Variants in PTPRD observed in about 807,000 individuals in gnomAD.
PTPRD encodes receptor-type tyrosine-protein phosphatase delta.
Under a neutral mutation model 214.5 loss-of-function variants are expected in PTPRD, and 34 were observed. The ratio of observed to expected loss-of-function variants is 0.16; its 90% CI spans 0.12 to 0.21. PTPRD has a LOEUF of 0.21. Ranked by LOEUF, PTPRD falls within the 10% of genes least tolerant of loss-of-function variation. The probability of loss-of-function intolerance (pLI) is 1.00; values close to 1 mark genes in which losing one functional copy is unlikely to be tolerated. For missense variants in PTPRD, 2,545 were observed against 2,398.7 expected (o/e 1.06, Z -1.27); for synonymous variants, 1,128 against 845.7 (o/e 1.33, Z -5.79).
At chr9:8,815,523 A>G (rs1348054754) in intron 11 of PTPRD, among the ~76,000 whole-genome samples, 1 of 152,226 alleles carries the variant, frequency 6.6e-6, no homozygotes, top group Non-Finnish European at 1.5e-5. Context: ...TCTAACATTT[A>G]CTCATCAAAA....
chr9:9,339,844 G>C (rs1467527739), intron 9 of PTPRD, among the ~76,000 whole-genome samples: 2 of 152,118 alleles, frequency 1.3e-5, no homozygotes, highest in Middle Eastern at 3.2e-3. Context: ...GTAGCAAAGT[G>C]AAATACAGTG....
intron 12 of PTPRD, among the ~76,000 whole-genome samples, chr9:8,651,528 AAC>A (rs1418329449): frequency 1.3e-5 from 2 of 152,210 alleles, no homozygotes; most frequent in African/African-American, 2.4e-5. Flanking sequence ...TTCTAGATGG[AAC>A]ACAGTGTAAT....
At chr9:9,528,949 T>TG (rs1388990679) in intron 8 of PTPRD, among the ~76,000 whole-genome samples, 140 of 149,752 alleles carry the variant, frequency 9.3e-4, no homozygotes, top group East Asian at 5.1e-3. Flanking sequence ...TTTTTTTTTT[T>TG]TTTTTTTGAG....
At chr9:9,371,182 G>A (rs978081754) in intron 9 of PTPRD, among the ~76,000 whole-genome samples, 1 of 152,114 alleles carries the variant, frequency 6.6e-6, no homozygotes, top group African/African-American at 2.4e-5. Flanking sequence ...AGTTTCAGAA[G>A]GAATGGTACC....
chr9:9,865,156 AC>A (rs1309699131), intron 5 of PTPRD, among the ~76,000 whole-genome samples: 4 of 152,352 alleles, frequency 2.6e-5, no homozygotes, highest in African/African-American at 9.6e-5. Context: ...GGGATGAATG[AC>A]AAAAACATAT....
At chr9:8,484,447 T>C (rs1034105713) in intron 29 of PTPRD, 69 bp from the exon 30 acceptor site, 3 of 1,490,696 alleles carry the variant, frequency 2.0e-6, no homozygotes, top group African/African-American at 2.8e-5. Flanking sequence ...TCTAAACCAA[T>C]GTGCACTAGC....
chr9:8,958,000 A>C (rs138467454), intron 11 of PTPRD, among the ~76,000 whole-genome samples: 61 of 151,978 alleles, frequency 4.0e-4, no homozygotes, highest in African/African-American at 1.4e-3. Flanking sequence ...GTAATACCTT[A>C]GCAGGGGAAG....
intron 4 of PTPRD, among the ~76,000 whole-genome samples, chr9:10,024,834 T>C (rs2096891480): frequency 1.5e-5 from 2 of 134,750 alleles, no homozygotes; most frequent in Admixed American, 8.5e-5. Flanking sequence ...CCTGTGTCCA[T>C]GTGTTCTCAT....
intron 10 of PTPRD, among the ~76,000 whole-genome samples, chr9:9,038,385 T>C (rs768466531): frequency 6.6e-6 from 1 of 152,086 alleles, no homozygotes; most frequent in African/African-American, 2.4e-5. Context: ...TCCCCCCACT[T>C]CGCTGTACTT....
intron 35 of PTPRD, among the ~76,000 whole-genome samples, chr9:8,421,574 A>C (rs1197979748): frequency 6.6e-6 from 1 of 152,136 alleles, no homozygotes; most frequent in Non-Finnish European, 1.5e-5. Flanking sequence ...CAGCGAATCA[A>C]ATCTGCCATA....
At chr9:9,885,412 G>A (rs1390682919) in intron 5 of PTPRD, among the ~76,000 whole-genome samples, 2 of 152,026 alleles carry the variant, frequency 1.3e-5, no homozygotes, top group Admixed American at 1.3e-4. Flanking sequence ...TCAAGGACTT[G>A]CATCTCAGAT....
At chr9:8,682,184 A>G (rs1274751415) in intron 12 of PTPRD, among the ~76,000 whole-genome samples, 1 of 152,230 alleles carries the variant, frequency 6.6e-6, no homozygotes. Context: ...ATAAAAATGC[A>G]TTATGCATTA....
intron 10 of PTPRD, among the ~76,000 whole-genome samples, chr9:9,100,015 C>G (rs570615043): frequency 6.6e-6 from 1 of 152,156 alleles, no homozygotes; most frequent in Admixed American, 6.5e-5. Context: ...AGAAATACTT[C>G]TAAAAGAAAA....
At chr9:8,447,546 C>T (rs543724699) in intron 34 of PTPRD, among the ~76,000 whole-genome samples, 1 of 152,312 alleles carries the variant, frequency 6.6e-6, no homozygotes, top group Admixed American at 6.5e-5. Flanking sequence ...GAAGTACTTG[C>T]AGACAGAAGT....
intron 3 of PTPRD, among the ~76,000 whole-genome samples, chr9:10,159,355 GA>G (rs1324241380): frequency 6.6e-6 from 1 of 151,302 alleles, no homozygotes. Flanking sequence ...ATATAGTCAG[GA>G]AAAAATATTG....
At chr9:9,600,918 G>C (rs1484693421) in intron 7 of PTPRD, among the ~76,000 whole-genome samples, 2 of 151,892 alleles carry the variant, frequency 1.3e-5, no homozygotes, top group African/African-American at 4.8e-5. Flanking sequence ...TGGTTTTTAA[G>C]GTGGCTTTCT....
At chr9:8,524,132 T>C (rs889313003) in intron 18 of PTPRD, among the ~76,000 whole-genome samples, 1 of 152,122 alleles carries the variant, frequency 6.6e-6, no homozygotes, top group Non-Finnish European at 1.5e-5. Flanking sequence ...AGGAAGTACT[T>C]CTTTCTAGTT....
intron 3 of PTPRD, among the ~76,000 whole-genome samples, chr9:10,296,142 T>C (rs2095666114): frequency 6.6e-6 from 1 of 152,112 alleles, no homozygotes; most frequent in African/African-American, 2.4e-5. Context: ...TCAGCTAATT[T>C]AATATTAGAT....
At chr9:10,467,080 C>T (rs1316658373) in intron 2 of PTPRD, among the ~76,000 whole-genome samples, 1 of 152,204 alleles carries the variant, frequency 6.6e-6, no homozygotes, top group East Asian at 1.9e-4. Flanking sequence ...ACTACCCTCA[C>T]TCAGAAGACA....
Sources: gnomAD v4.1 joint callset for allele counts (sites outside exome capture counted in the v4.1 genomes callset) on GRCh38, gnomAD v4.1.1 for gene constraint, MANE v1.5 for transcripts, NCBI Gene and HGNC (gene_info 2026-07-23, HGNC 2026-07-21) for gene names.